The following CAMTA1 variants were observed in gnomAD, a reference collection of about 807,000 sequenced individuals.
CAMTA1 encodes calmodulin binding transcription activator 1, also known as calmodulin-binding transcription activator 1.
CAMTA1 carries 27 observed loss-of-function variants against 170.9 expected under a neutral mutation model. The ratio of observed to expected loss-of-function variants is 0.16; its 90% CI spans 0.12 to 0.22. The LOEUF (loss-of-function observed/expected upper bound fraction) is 0.22. Among genes scored for constraint, CAMTA1 ranks in the 10% least tolerant of loss-of-function variants. The pLI is 1.00. For synonymous variants in CAMTA1, 833 were observed against 891.5 expected, an observed-to-expected ratio of 0.93 and a Z score of 1.17; for missense variants, 1,619 against 2,217.2, an observed-to-expected ratio of 0.73 and a Z score of 5.42.
At chr1:7,540,957 A>G (rs1319558861) in intron 6 of CAMTA1, among the ~76,000 whole-genome samples, 1 of 152,240 alleles carries the variant, frequency 6.6e-6, no homozygotes, top group Non-Finnish European at 1.5e-5. Context: ...GGCACGTCCC[A>G]GCAAGTTGCT....
intron 4 of CAMTA1, among the ~76,000 whole-genome samples, chr1:7,129,147 T>C (rs776771417): frequency 6.6e-6 from 1 of 152,074 alleles, no homozygotes; most frequent in Non-Finnish European, 1.5e-5. Flanking sequence ...CTAGCCCCAT[T>C]TTTAAAGAAG....
chr1:7,252,610 C>T (rs75954372), intron 5 of CAMTA1, among the ~76,000 whole-genome samples: 3,583 of 152,240 alleles, frequency 0.024, 147 homozygotes, highest in East Asian at 0.11. Flanking sequence ...TGAGTTTGGA[C>T]TCTGCGTCCG....
chr1:7,728,820 G>T (rs940090165), intron 11 of CAMTA1, among the ~76,000 whole-genome samples: 1 of 152,178 alleles, frequency 6.6e-6, no homozygotes, highest in African/African-American at 2.4e-5. Flanking sequence ...ATGGCATCTG[G>T]AGTAAAGACA....
intron 3 of CAMTA1, among the ~76,000 whole-genome samples, chr1:7,026,136 AAC>A (rs1701987836): frequency 6.6e-6 from 1 of 151,968 alleles, no homozygotes; most frequent in African/African-American, 2.4e-5. Context: ...AAAAAAAAGA[AAC>A]AAAAAGATTT....
At chr1:7,599,952 C>T (rs2095427573) in intron 6 of CAMTA1, among the ~76,000 whole-genome samples, 2 of 152,178 alleles carry the variant, frequency 1.3e-5, no homozygotes, top group South Asian at 4.1e-4. Context: ...TGCCTGATTG[C>T]CCTGGCCAGA....
At chr1:7,614,258 A>G (rs558120263) in intron 6 of CAMTA1, among the ~76,000 whole-genome samples, 1 of 152,210 alleles carries the variant, frequency 6.6e-6, no homozygotes, top group South Asian at 2.1e-4. Flanking sequence ...GGCTCCTCCC[A>G]GAGCCTGAGC....
chr1:7,660,543 A>T (rs2095946200), intron 7 of CAMTA1, among the ~76,000 whole-genome samples: 2 of 152,214 alleles, frequency 1.3e-5, no homozygotes, highest in South Asian at 4.1e-4. Flanking sequence ...TTTCAAAAAA[A>T]ATAAATAAGT....
At chr1:7,667,263 C>T (rs529787235) in intron 9 of CAMTA1, among the ~76,000 whole-genome samples, 8 of 152,244 alleles carry the variant, frequency 5.3e-5, no homozygotes, top group Admixed American at 2.6e-4. Flanking sequence ...CCCACCCCAC[C>T]CCATGAAGGC....
At position 7,663,775 on chromosome 1, in the gene CAMTA1, T is replaced by C. The variant is rs779091805; in HGVS notation, c.1228T>C (p.Tyr410His). Residue 410 changes from tyrosine (Y) to histidine (H), a missense_variant, in exon 9 of 23, where the codon TAC becomes CAC. Transcript: ENST00000303635. ...FMSEVTNEAV[Y>H]TMSPTAGPNH... ...GTCAGAGGTCACCAATGAGGCCGTG[T>C]ACACCATGTCCCCCACCGCTGGCCC... 17 of 1,613,934 alleles carry C rather than the reference T, an allele frequency of 1.1e-5. No individual in the cohort carries two copies. The highest frequency in any genetic ancestry group is 1.4e-5 in the Non-Finnish European group (17 of 1,180,012).
At chr1:7,404,067 T>G (rs1226307285) in intron 5 of CAMTA1, among the ~76,000 whole-genome samples, 2 of 152,226 alleles carry the variant, frequency 1.3e-5, no homozygotes, top group Admixed American at 6.5e-5. Context: ...GATCTCATTT[T>G]ATTCTCACAA....
At chr1:7,405,582 G>A (rs2149228221) in intron 5 of CAMTA1, among the ~76,000 whole-genome samples, 1 of 152,154 alleles carries the variant, frequency 6.6e-6, no homozygotes, top group Middle Eastern at 3.4e-3. Context: ...ATGTTGCCCA[G>A]GCTGATCTTG....
rs1644190716 is a variant in CAMTA1 at position 7,113,590 on chromosome 1, T to C, written c.302+22219T>C. ...CATGGCATTTCACATCATAAGAGAG[T>C]TAAAGAGTTTGTGGCATTTTAAATG... On this transcript the variant is annotated intron_variant, in intron 4 of 22. Coordinates refer to ENST00000303635, the MANE Select transcript of CAMTA1 (RefSeq NM_015215.4). The surrounding 1 kb of genome is among the most constrained non-coding windows in gnomAD (Gnocchi z 4.5). 6.6e-6 allele frequency among the ~76,000 whole-genome samples: 1 copy of C among 152,058 alleles called. No individual in the cohort carries two copies. Among genetic ancestry groups the C allele is most frequent in the Non-Finnish European group, 1.5e-5 (1 of 67,992 alleles).
intron 5 of CAMTA1, among the ~76,000 whole-genome samples, chr1:7,268,714 C>T (rs750092118): frequency 2.0e-5 from 3 of 152,166 alleles, no homozygotes; most frequent in Non-Finnish European, 4.4e-5. Context: ...TAAAGTAAGA[C>T]AACGAAATCC....
At chr1:6,967,528 G>A (rs1187848227) in intron 3 of CAMTA1, among the ~76,000 whole-genome samples, 1 of 152,142 alleles carries the variant, frequency 6.6e-6, no homozygotes, top group East Asian at 1.9e-4. Flanking sequence ...CTATCTCAGG[G>A]GACCTTCAGC....
At chr1:7,275,957 A>G (rs554703330) in intron 5 of CAMTA1, among the ~76,000 whole-genome samples, 7 of 152,216 alleles carry the variant, frequency 4.6e-5, no homozygotes, top group African/African-American at 1.7e-4. Context: ...CTACAGACCA[A>G]TATCTCTCAT....
At chr1:7,128,216 C>T (rs76839466) in intron 4 of CAMTA1, among the ~76,000 whole-genome samples, 2,022 of 152,262 alleles carry the variant, frequency 0.013, 47 homozygotes, top group African/African-American at 0.046. Flanking sequence ...TTCCCCCTAC[C>T]TCGCCCATGT....
intron 4 of CAMTA1, among the ~76,000 whole-genome samples, chr1:7,187,316 TG>T (rs1475553061): frequency 6.6e-6 from 1 of 151,918 alleles, no homozygotes; most frequent in East Asian, 1.9e-4. Flanking sequence ...GCATACTCAC[TG>T]GGAAGGATTG....
intron 11 of CAMTA1, among the ~76,000 whole-genome samples, chr1:7,678,138 A>C (rs2096142356): frequency 6.6e-6 from 1 of 152,186 alleles, no homozygotes; most frequent in Non-Finnish European, 1.5e-5. Context: ...TGGAAGCAAA[A>C]AGGGTTCCCA....
At chr1:7,365,678 A>T (rs553580096) in intron 5 of CAMTA1, among the ~76,000 whole-genome samples, 78 of 152,230 alleles carry the variant, frequency 5.1e-4, no homozygotes, top group African/African-American at 1.9e-3. Context: ...TAAGATTCTA[A>T]TGACAGTTCT....
Sources: allele counts gnomAD v4.1 joint callset (sites outside exome capture counted in the v4.1 genomes callset), GRCh38; gene constraint gnomAD v4.1.1; non-coding constraint Gnocchi (gnomAD v3.1); transcripts MANE v1.5; gene names NCBI Gene and HGNC (gene_info 2026-07-23, HGNC 2026-07-21).